Variants in PCDH19 observed in about 807,000 individuals in gnomAD.
The protein encoded by PCDH19 is protocadherin 19.
PCDH19 carries 6 observed loss-of-function variants against 46.2 expected under a neutral mutation model. The observed-to-expected ratio is 0.13, with a 90% confidence interval of 0.07 to 0.26. The LOEUF is 0.26. Ranked by LOEUF, PCDH19 falls within the 10% of genes least tolerant of loss-of-function variation. The pLI, the probability that PCDH19 is intolerant of heterozygous loss-of-function variation, is 1.00. For missense variants in PCDH19, 740 were observed against 972.3 expected (o/e 0.76, Z 3.18); for synonymous variants, 481 against 415.7 (o/e 1.16, Z -1.91).
At chrX:100,322,857 A>ATT (rs1481284837) in intron 5 of PCDH19, among the ~76,000 whole-genome samples, 2 of 50,892 alleles carry the variant, frequency 3.9e-5, no homozygotes, top group African/African-American at 2.2e-4. Flanking sequence ...ATATATATAT[A>ATT]TATATATATT....
chrX:100,410,193 T>A lies in PCDH19; in HGVS notation c.-1596A>T, dbSNP rs1464706440. On this transcript the variant is annotated 5_prime_UTR_variant, in exon 1 of 6. Coordinates refer to ENST00000373034, the MANE Select transcript of PCDH19 (RefSeq NM_001184880.2). ...GGTGCACGGGAGCTGTGCTGCCGTC[T>A]GTGCCCGCTCGTCCGTCTCCGCGCT... 1.0e-5 allele frequency: 3 copies of A among 297,082 alleles called. No individual in the cohort carries two copies. 24.5% of individuals were successfully genotyped at this position (297,082 alleles called of 1,213,427 possible). A position where few individuals can be genotyped will look rare whatever the true frequency, so the allele number is the denominator to read the frequency against.
At chrX:100,304,798 A>G (rs752000756) in intron 5 of PCDH19, among the ~76,000 whole-genome samples, 20 of 112,569 alleles carry the variant, frequency 1.8e-4, no homozygotes, top group Non-Finnish European at 3.6e-4. Flanking sequence ...TCTCAGCAAT[A>G]GAATTGAACA....
At chrX:100,393,389 G>A (rs1927917578) in intron 3 of PCDH19, among the ~76,000 whole-genome samples, 1 of 109,872 alleles carries the variant, frequency 9.1e-6, no homozygotes, top group South Asian at 4.0e-4. Flanking sequence ...TCATCACAGA[G>A]GCAAAAAAAG....
In PCDH19 at chrX:100,404,612, CTT is replaced by C. The variant is rs11419892; in HGVS notation, c.2148-950_2148-949del. On this transcript the variant is annotated intron_variant, in intron 1 of 5. Coordinates refer to ENST00000373034, the MANE Select transcript of PCDH19 (RefSeq NM_001184880.2). The stretch of plus-strand genomic sequence containing the variant: ...AAGTTGGAGAGCACTGAGATTTACT[CTT>C]TTTTTTTTTTTTCAATATTCAGATG... Among the ~76,000 whole-genome samples, 380 of 98,584 alleles carry C rather than the reference CTT, an allele frequency of 3.9e-3. 8 individuals are homozygous for C. In the East Asian group the frequency reaches 0.089, roughly 23 times the overall value. 85.6% of individuals were successfully genotyped at this position (98,584 alleles called of 115,157 possible).
At chrX:100,375,076 T>C (rs1381489748) in intron 3 of PCDH19, among the ~76,000 whole-genome samples, 3 of 112,505 alleles carry the variant, frequency 2.7e-5, no homozygotes, top group Non-Finnish European at 5.6e-5. Flanking sequence ...TAGGGAAGAA[T>C]AAAGTCTGTG....
chrX:100,310,714 A>T (rs1449439981), intron 5 of PCDH19, among the ~76,000 whole-genome samples: 1 of 109,815 alleles, frequency 9.1e-6, no homozygotes, highest in Admixed American at 9.9e-5. Context: ...TACCTACAAC[A>T]TCTTGTCACT....
chrX:100,315,594 G>T (rs758130227), intron 5 of PCDH19, among the ~76,000 whole-genome samples: 4 of 112,306 alleles, frequency 3.6e-5, no homozygotes, highest in Non-Finnish European at 7.5e-5. Flanking sequence ...CAGCCTTCCT[G>T]TCTGTTCCGC....
chrX:100,324,681 G>T (rs780704922), intron 5 of PCDH19, among the ~76,000 whole-genome samples: 1 of 112,221 alleles, frequency 8.9e-6, no homozygotes, highest in African/African-American at 3.2e-5. Context: ...AGTCAAAAGA[G>T]GCTGCTTTCT....
intron 5 of PCDH19, among the ~76,000 whole-genome samples, chrX:100,313,125 T>C (rs910415330): frequency 3.7e-4 from 42 of 112,117 alleles, no homozygotes; most frequent in South Asian, 7.4e-4. Flanking sequence ...ATTTAAATGT[T>C]CTGTCCATCT....
intron 5 of PCDH19, among the ~76,000 whole-genome samples, chrX:100,323,930 C>T (rs145102364): frequency 0.01 from 1,150 of 110,724 alleles, 9 homozygotes; most frequent in African/African-American, 0.035. Flanking sequence ...GTGTGTGTGA[C>T]GAGAGAGGAG....
Position 100,332,511 on chromosome X carries a change from T to G in PCDH19, c.2848+9392A>C, listed in dbSNP as rs757303972. Reference sequence around the variant, plus strand: ...TACTCCAGCCTGGAGCAAAACCCCGTCTCAAAAAAAAAAAAAAAATGCTTG... The same window carrying G: ...TACTCCAGCCTGGAGCAAAACCCCGGCTCAAAAAAAAAAAAAAAATGCTTG... On this transcript the variant is annotated intron_variant, in intron 5 of 5. Transcript: ENST00000373034. Among the ~76,000 whole-genome samples, 4 of 96,357 alleles carry G rather than the reference T, an allele frequency of 4.2e-5. No homozygotes were observed. The South Asian group carries it at 1.5e-3, about 36-fold the overall frequency. The allele number at this position is 96,357 out of a possible 115,157, so 83.7% of individuals were successfully genotyped here.
chrX:100,386,802 C>G (rs1927727309), intron 3 of PCDH19, among the ~76,000 whole-genome samples: 1 of 111,909 alleles, frequency 8.9e-6, no homozygotes, highest in African/African-American at 3.2e-5. Context: ...CAAGATATTT[C>G]TTTCTATCAA....
chrX:100,330,818 GAACTA>G (rs1433167919), intron 5 of PCDH19, among the ~76,000 whole-genome samples: 1 of 111,711 alleles, frequency 9.0e-6, no homozygotes, highest in Non-Finnish European at 1.9e-5. Flanking sequence ...AGGTTAAAAA[GAACTA>G]AACTAATGAT....
chrX:100,334,489 C>T (rs751872641), intron 5 of PCDH19, among the ~76,000 whole-genome samples: 1 of 111,465 alleles, frequency 9.0e-6, no homozygotes, highest in African/African-American at 3.3e-5. Flanking sequence ...CCATAAACCC[C>T]AATCTCATAT....
intron 3 of PCDH19, among the ~76,000 whole-genome samples, chrX:100,382,225 C>A (rs1402128569): frequency 9.0e-6 from 1 of 111,029 alleles, no homozygotes; most frequent in South Asian, 3.8e-4. Flanking sequence ...TTTGTTCTCC[C>A]CCTCCCCAAG....
chrX:100,379,124 C>A (rs1927467576), intron 3 of PCDH19, among the ~76,000 whole-genome samples: 1 of 110,925 alleles, frequency 9.0e-6, no homozygotes, highest in Non-Finnish European at 1.9e-5. Flanking sequence ...GATGAATCTC[C>A]CCCTGGCCAC....
At chrX:100,321,082 A>G (rs1218236928) in intron 5 of PCDH19, among the ~76,000 whole-genome samples, 6 of 111,608 alleles carry the variant, frequency 5.4e-5, no homozygotes, top group African/African-American at 1.6e-4. Context: ...AATAGTCTCT[A>G]ATCTCATCCA....
intron 4 of PCDH19, among the ~76,000 whole-genome samples, chrX:100,344,132 T>C (rs1206236888): frequency 8.9e-6 from 1 of 111,991 alleles, no homozygotes; most frequent in African/African-American, 3.2e-5. Flanking sequence ...CATTGACCTG[T>C]TAGCTAATTA....
At chrX:100,396,981 GACAA>G (rs1475163400) in intron 3 of PCDH19, among the ~76,000 whole-genome samples, 1 of 112,242 alleles carries the variant, frequency 8.9e-6, no homozygotes, top group African/African-American at 3.2e-5. Context: ...GTAATAAGGA[GACAA>G]ACAAACAAGA....
Sources: gnomAD v4.1 joint callset for allele counts (sites outside exome capture counted in the v4.1 genomes callset) on GRCh38, gnomAD v4.1.1 for gene constraint, MANE v1.5 for transcripts, NCBI Gene and HGNC (gene_info 2026-07-23, HGNC 2026-07-21) for gene names.